Variants in UBA5 observed in about 807,000 individuals in gnomAD.
UBA5 encodes ubiquitin-like modifier-activating enzyme 5.
A neutral mutation model predicts 52.9 loss-of-function variants in UBA5; 28 were observed. The observed-to-expected ratio is 0.53, with a 90% CI of 0.39 to 0.73. The LOEUF (loss-of-function observed/expected upper bound fraction) is 0.73, where lower values mean the gene tolerates loss of function less well. Among genes scored for constraint, UBA5 ranks in the 30% least tolerant of loss-of-function variants. The probability of loss-of-function intolerance (pLI) is 0.00; values close to 1 mark genes in which losing one functional copy is unlikely to be tolerated. For missense variants in UBA5, 388 were observed against 492.7 expected (o/e 0.79, Z 2.01); for synonymous variants, 135 against 162.1 (o/e 0.83, Z 1.27).
chr3:132,673,822 G>A (rs1413853981), intron 8 of UBA5, among the ~76,000 whole-genome samples: 2 of 151,838 alleles, frequency 1.3e-5, no homozygotes, highest in Non-Finnish European at 2.9e-5. Context: ...CCACCACCAC[G>A]CCCAGCTAAT....
At chr3:132,665,731 T>C in intron 1 of UBA5, 92 bp from the exon 2 acceptor site, 1 of 1,227,028 alleles carries the variant, frequency 8.1e-7, no homozygotes, top group Non-Finnish European at 1.2e-6. Flanking sequence ...GATTATATTT[T>C]GGTGTTTATT....
intron 8 of UBA5, among the ~76,000 whole-genome samples, chr3:132,674,553 G>T (rs984360691): frequency 6.6e-6 from 1 of 152,138 alleles, no homozygotes; most frequent in Non-Finnish European, 1.5e-5. Context: ...TTAGCCAAGC[G>T]TGGTGGTGCT....
In UBA5 at chr3:132,663,312, C is replaced by T. The variant is rs1322476070; in HGVS notation, c.162-2511C>T. ...ACTCCACTGTGGGTAACTGGGCAAA[C>T]ACTCCTTCCCTACCAGAAGAGGAGA... is the stretch of plus-strand genomic sequence containing the variant. On this transcript the variant is annotated intron_variant, in intron 1 of 11. Transcript: ENST00000356232. 3.3e-5 allele frequency among the ~76,000 whole-genome samples: 5 copies of T among 152,142 alleles called. No individual in the cohort carries two copies. The South Asian group carries it at 1.0e-3, about 31-fold the overall frequency.
intron 6 of UBA5, 55 bp downstream of exon 6, chr3:132,671,104 A>T: frequency 6.9e-7 from 1 of 1,452,554 alleles, no homozygotes; most frequent in Non-Finnish European, 9.6e-7. Context: ...TTTCCTGTAT[A>T]TTCTATCAGT....
Position 132,674,004 on chromosome 3 carries a change from C to T in UBA5, c.813-1244C>T, listed in dbSNP as rs112554952. On this transcript the variant is annotated intron_variant, in intron 8 of 11. Coordinates refer to ENST00000356232, the MANE Select transcript of UBA5 (RefSeq NM_024818.6). Reference sequence around the variant, plus strand: ...TTTTAAAGTAGAATTTCTGAATTTACGAAATATTTACTAAATTTCTCCTGC... The same window carrying T: ...TTTTAAAGTAGAATTTCTGAATTTATGAAATATTTACTAAATTTCTCCTGC... 1.2e-3 allele frequency among the ~76,000 whole-genome samples: 190 copies of T among 152,188 alleles called. 1 individual carries two copies. The highest frequency in any genetic ancestry group is 3.9e-3 in the African/African-American group (161 of 41,522).
At chr3:132,655,642 A>G (rs1200987215), upstream of UBA5, among the ~76,000 whole-genome samples, 1 of 152,142 alleles carries the variant, frequency 6.6e-6, no homozygotes, top group African/African-American at 2.4e-5. Flanking sequence ...CCACACCCAA[A>G]CATTTCCTAT....
At chr3:132,666,911 GATT>G (rs1257588189) in intron 3 of UBA5, among the ~76,000 whole-genome samples, 1 of 152,146 alleles carries the variant, frequency 6.6e-6, no homozygotes, top group Non-Finnish European at 1.5e-5. Flanking sequence ...GGATAATAGA[GATT>G]ATTGAGATTA....
chr3:132,665,968 AT>A lies in UBA5; in HGVS notation c.208-12del. 6.2e-7 allele frequency: 1 copy of A among 1,612,748 alleles called. No homozygotes were observed. The highest frequency in any genetic ancestry group is 8.5e-7 in the Non-Finnish European group (1 of 1,178,936). On this transcript the variant is annotated splice_polypyrimidine_tract_variant and intron_variant, in intron 2 of 11. Coordinates refer to ENST00000356232, the MANE Select transcript of UBA5 (RefSeq NM_024818.6). ...GAAGAGCTATTAACCAACATATACT[AT>A]TTTATATTTCACAGAAAATCCGTAC... is the stretch of plus-strand genomic sequence containing the variant.
chr3:132,678,213 C>A lies in UBA5; in HGVS notation c.*1687C>A, dbSNP rs754096555. 2.0e-5 allele frequency: 3 copies of A among 151,954 alleles called. No individual in the cohort carries two copies. Among genetic ancestry groups the A allele is most frequent in the African/African-American group, 4.8e-5 (2 of 41,344 alleles). 9.4% of individuals were successfully genotyped at this position (151,954 alleles called of 1,614,324 possible). A position where few individuals can be genotyped will look rare whatever the true frequency, so the allele number is the denominator to read the frequency against. On this transcript the variant is annotated 3_prime_UTR_variant, in exon 12 of 12. Transcript: ENST00000356232. ...TGACCTAACTTTTTTTGTCTAATAT[C>A]TTTCATTAAAAACAATTGGATTATT... is the stretch of plus-strand genomic sequence containing the variant.
rs1938965354 is a variant in UBA5 at position 132,679,507 on chromosome 3, A to G, written c.*2981A>G. Among the ~76,000 whole-genome samples, 1 of 152,192 alleles carries G rather than the reference A, an allele frequency of 6.6e-6. No homozygotes were observed. The highest frequency in any genetic ancestry group is 6.5e-5 in the Admixed American group (1 of 15,284). On this transcript the variant is annotated 3_prime_UTR_variant, in exon 12 of 12. Transcript: ENST00000356232. ...TGGGTTGGTAGTAAAATAAATAGTA[A>G]TATCAAAATAGTTTATTATGTTTAA... is the stretch of plus-strand genomic sequence containing the variant.
rs1938838725 is a variant in UBA5, at chr3:132,676,357, G to C, written c.1132-86G>C. 1 of 1,043,518 alleles carries C rather than the reference G, an allele frequency of 9.6e-7. No individual in the cohort carries two copies. The highest frequency in any genetic ancestry group is 2.5e-5 in the East Asian group (1 of 39,330). The allele number at this position is 1,043,518 out of a possible 1,614,324, so 64.6% of individuals were successfully genotyped here. On this transcript the variant is annotated intron_variant, in intron 11 of 11. Coordinates refer to ENST00000356232, the MANE Select transcript of UBA5 (RefSeq NM_024818.6). The surrounding 1 kb of genome is among the most constrained non-coding windows in gnomAD (Gnocchi z 4.1). ...TTTACTTTATAACCTTGTTGAGCATGGTCAAAACTTGCTGATTATATATTC... is the reference window on the plus strand; with the variant it reads ...TTTACTTTATAACCTTGTTGAGCATCGTCAAAACTTGCTGATTATATATTC...
rs552931444 is a variant in UBA5 at position 132,675,803 on chromosome 3, G to A, written c.1025-14G>A. On this transcript the variant is annotated splice_polypyrimidine_tract_variant and intron_variant, in intron 10 of 11. Coordinates refer to ENST00000356232, the MANE Select transcript of UBA5 (RefSeq NM_024818.6). ...TTAAATTCCTTAAAAACTGACATAG[G>A]ATCAAATTTACAGGTATTGAGCTGG... is the stretch of plus-strand genomic sequence containing the variant. The A allele has an allele frequency of 1.6e-5, 26 of 1,592,306 alleles. No individual in the cohort carries two copies. The East Asian group carries it at 5.4e-4, about 33-fold the overall frequency.
At chr3:132,664,863 A>G (rs1938310142) in intron 1 of UBA5, among the ~76,000 whole-genome samples, 1 of 152,170 alleles carries the variant, frequency 6.6e-6, no homozygotes, top group Non-Finnish European at 1.5e-5. Context: ...TTGATAGAAT[A>G]CCTCATGAAT....
rs1371617095 is a variant in UBA5, at chr3:132,678,371, C to T, written c.*1845C>T. Among the ~76,000 whole-genome samples the T allele has an allele frequency of 1.3e-5, 2 of 152,098 alleles. No homozygotes were observed. Among genetic ancestry groups the T allele is most frequent in the Non-Finnish European group, 2.9e-5 (2 of 68,030 alleles). On this transcript the variant is annotated 3_prime_UTR_variant, in exon 12 of 12. Transcript: ENST00000356232. ...TTAATCATCATTGAATTTAGTATTA[C>T]TAAACTCATAGCATTTGTCCAGATT...
chr3:132,668,925 G>A lies in UBA5; in HGVS notation c.405G>A (p.Leu135=), dbSNP rs1283211267. The A allele has an allele frequency of 2.5e-6, 4 of 1,578,924 alleles. No homozygotes were observed. Among genetic ancestry groups the A allele is most frequent in the Admixed American group, 3.6e-5 (2 of 55,394 alleles). ...AAGTTCAAGCAGCAGAACATACTCT[G>A]AGGTAAATGGAATAGCAATCAAGTA... is the stretch of plus-strand genomic sequence containing the variant. ...LSKVQAAEHT[L]RNINPDVLFE... is the part of the protein sequence containing the mutation. The change falls in exon 4 of 12, where the codon CTG becomes CTA. Residue 135 remains leucine (L), a splice_region_variant and synonymous_variant. Coordinates refer to ENST00000356232, the MANE Select transcript of UBA5 (RefSeq NM_024818.6).
chr3:132,675,743 T>G, intron 10 of UBA5, 63 bp downstream of exon 10: 1 of 1,539,912 alleles, frequency 6.5e-7, no homozygotes, highest in South Asian at 1.2e-5. Flanking sequence ...GTAGCAAATC[T>G]AATAAGATTA....
chr3:132,661,117 G>T, intron 1 of UBA5: 4 of 1,242,546 alleles, frequency 3.2e-6, no homozygotes, highest in South Asian at 2.5e-5. Context: ...GGAGAGCGGG[G>T]TTAGCTCTAT....
rs1938910213 is a variant in UBA5, at chr3:132,678,104, A to G, written c.*1578A>G. The G allele has an allele frequency of 6.6e-6, 1 of 152,250 alleles. No homozygotes were observed. Among genetic ancestry groups the G allele is most frequent in the Admixed American group, 6.5e-5 (1 of 15,290 alleles). The allele number at this position is 152,250 out of a possible 1,614,324, so 9.4% of individuals were successfully genotyped here. Reference sequence around the variant, plus strand: ...TACAATTTGATAAAGTATCACATCTAGAATTCACTGTCTTCTTTTATCTGC... The same window carrying G: ...TACAATTTGATAAAGTATCACATCTGGAATTCACTGTCTTCTTTTATCTGC... On this transcript the variant is annotated 3_prime_UTR_variant, in exon 12 of 12. Coordinates refer to ENST00000356232, the MANE Select transcript of UBA5 (RefSeq NM_024818.6).
chr3:132,675,751 T>C (rs1356204035), intron 10 of UBA5, 66 bp from the exon 11 acceptor site: 4 of 1,539,938 alleles, frequency 2.6e-6, no homozygotes, highest in Non-Finnish European at 3.6e-6. Context: ...TCTAATAAGA[T>C]TATACAAATT....
Sources: gnomAD v4.1 joint callset for allele counts (sites outside exome capture counted in the v4.1 genomes callset) on GRCh38, gnomAD v4.1.1 for gene constraint, Gnocchi (gnomAD v3.1) non-coding constraint, MANE v1.5 for transcripts, NCBI Gene and HGNC (gene_info 2026-07-23, HGNC 2026-07-21) for gene names.